The following ZNF592 variants were observed in gnomAD, a reference collection of about 807,000 sequenced individuals.
ZNF592 encodes zinc finger protein 592.
Under a neutral mutation model 80.3 loss-of-function variants are expected in ZNF592, and 11 were observed. The observed-to-expected ratio is 0.14, with a 90% CI of 0.09 to 0.23. The LOEUF (loss-of-function observed/expected upper bound fraction) is 0.23. ZNF592 is among the 10% of genes least tolerant of loss of function. The pLI is 1.00. For missense variants in ZNF592, 1,420 were observed against 1,633.9 expected (o/e 0.87, Z 2.26); for synonymous variants, 646 against 640.3 (o/e 1.01, Z -0.13).
Position 84,799,971 on chromosome 15 carries a change from C to T in ZNF592, c.3267C>T (p.Ser1089=). ...TSKVKPPGGH[S]PQVNHLKRPV... ...AAGTGAAACCTCCGGGTGGACATTC[C>T]CCTCAGGTGAGTGTGGGCTCCCTGC... The change falls in exon 10 of 11, where the codon TCC becomes TCT. Residue 1089 remains serine (S), a synonymous_variant. Transcript: ENST00000560079. The surrounding 1 kb of genome is among the most constrained non-coding windows in gnomAD (Gnocchi z 4.2). 1.2e-6 allele frequency: 2 copies of T among 1,614,214 alleles called. No individual in the cohort carries two copies. Among genetic ancestry groups the T allele is most frequent in the Non-Finnish European group, 1.7e-6 (2 of 1,180,024 alleles).
chr15:84,801,746 G>A lies in ZNF592; in HGVS notation c.3274-117G>A. ...AACCAAACGTAAACCAGCGTTCAGG[G>A]CTGGGGTGACCCTGGCCTGGGTGGT... On this transcript the variant is annotated intron_variant, in intron 10 of 10. Transcript: ENST00000560079. 2 of 1,468,708 alleles carry A rather than the reference G, an allele frequency of 1.4e-6. 1 individual carries two copies. Among genetic ancestry groups the A allele is most frequent in the South Asian group, 2.3e-5 (2 of 85,472 alleles). The allele number at this position is 1,468,708 out of a possible 1,614,324, so 91.0% of individuals were successfully genotyped here. A position where few individuals can be genotyped will look rare whatever the true frequency, so the allele number is the denominator to read the frequency against.
chr15:84,762,594 C>T (rs1283859121), intron 1 of ZNF592, among the ~76,000 whole-genome samples: 1 of 152,096 alleles, frequency 6.6e-6, no homozygotes, highest in Non-Finnish European at 1.5e-5. Flanking sequence ...ATTAGGATCG[C>T]TCCAGGTCTA....
At chr15:84,788,153 G>C (rs1175876299) in intron 4 of ZNF592, among the ~76,000 whole-genome samples, 2 of 152,124 alleles carry the variant, frequency 1.3e-5, no homozygotes, top group African/African-American at 4.8e-5. Context: ...AGGGTGCTGC[G>C]TTCTTCCTGT....
chr15:84,770,050 G>A (rs1170337282), intron 2 of ZNF592, among the ~76,000 whole-genome samples: 1 of 152,250 alleles, frequency 6.6e-6, no homozygotes, highest in East Asian at 1.9e-4. Flanking sequence ...GAACACAGGA[G>A]AGAGATGATG....
intron 4 of ZNF592, among the ~76,000 whole-genome samples, chr15:84,787,582 G>T (rs1477138012): frequency 6.6e-6 from 1 of 152,162 alleles, no homozygotes; most frequent in Non-Finnish European, 1.5e-5. Flanking sequence ...CTGGGAGTCT[G>T]CCCCTGAATG....
At chr15:84,780,314 A>G (rs1038291303) in intron 3 of ZNF592, among the ~76,000 whole-genome samples, 1 of 152,166 alleles carries the variant, frequency 6.6e-6, no homozygotes, top group Non-Finnish European at 1.5e-5. Flanking sequence ...AGAAAGAAAG[A>G]ACAAAAAAGA....
intron 2 of ZNF592, among the ~76,000 whole-genome samples, chr15:84,773,183 T>G (rs1049957396): frequency 2.0e-5 from 3 of 151,992 alleles, no homozygotes. Flanking sequence ...CATCTTTTAT[T>G]TCTTTTTTTA....
At chr15:84,768,326 C>T (rs1278262753) in intron 2 of ZNF592, among the ~76,000 whole-genome samples, 4 of 150,746 alleles carry the variant, frequency 2.7e-5, no homozygotes, top group African/African-American at 7.3e-5. Flanking sequence ...CAACCTCTGC[C>T]TCCTGGGTTC....
chr15:84,794,985 C>T (rs532549674), intron 5 of ZNF592, among the ~76,000 whole-genome samples: 1 of 151,882 alleles, frequency 6.6e-6, no homozygotes, highest in South Asian at 2.1e-4. Context: ...TTTTATTGAA[C>T]TCTACTACAG....
chr15:84,790,538 T>C (rs1364940871), intron 4 of ZNF592, among the ~76,000 whole-genome samples, 167 bp from the exon 5 acceptor site: 2 of 152,110 alleles, frequency 1.3e-5, no homozygotes, highest in East Asian at 3.8e-4. Flanking sequence ...GTATCAGCAC[T>C]GGAAATGAGG....
intron 4 of ZNF592, among the ~76,000 whole-genome samples, chr15:84,789,879 A>T (rs1326926128): frequency 1.3e-5 from 2 of 152,220 alleles, no homozygotes; most frequent in Non-Finnish European, 2.9e-5. Context: ...CCTCTCCAGC[A>T]TGCAGGCACC....
At chr15:84,790,345 G>A (rs1188971508) in intron 4 of ZNF592, among the ~76,000 whole-genome samples, 1 of 152,128 alleles carries the variant, frequency 6.6e-6, no homozygotes, top group Non-Finnish European at 1.5e-5. Context: ...ACCCTGGTGG[G>A]TCTAGCAGTG....
Position 84,805,899 on chromosome 15 carries a change from C to G in ZNF592, c.*3506C>G, listed in dbSNP as rs1391416833. 3.3e-5 allele frequency: 5 copies of G among 152,524 alleles called. No homozygotes were observed. The highest frequency in any genetic ancestry group is 1.3e-4 in the Admixed American group (2 of 15,272). The allele number at this position is 152,524 out of a possible 1,614,324, so 9.4% of individuals were successfully genotyped here. A position where few individuals can be genotyped will look rare whatever the true frequency, so the allele number is the denominator to read the frequency against. ...CTATATGTTGTGTATCCTTTCATAGCAATTCTATGCATTTACAAGTTTATA... is the reference window on the plus strand; with the variant it reads ...CTATATGTTGTGTATCCTTTCATAGGAATTCTATGCATTTACAAGTTTATA... On this transcript the variant is annotated 3_prime_UTR_variant, in exon 11 of 11. Coordinates refer to ENST00000560079, the MANE Select transcript of ZNF592 (RefSeq NM_014630.3).
At chr15:84,764,905 G>GTTTTTTT (rs201727475) in intron 2 of ZNF592, 90 bp downstream of exon 2, 2 of 319,216 alleles carry the variant, frequency 6.3e-6, no homozygotes, top group Non-Finnish European at 1.0e-5. Flanking sequence ...GTTTTGTTTT[G>GTTTTTTT]TTTTGTTTTT....
At chr15:84,757,723 ATC>A (rs1416387147) in intron 1 of ZNF592, among the ~76,000 whole-genome samples, 1 of 149,478 alleles carries the variant, frequency 6.7e-6, no homozygotes, top group Non-Finnish European at 1.5e-5. Flanking sequence ...CAGTGGCATG[ATC>A]TCAGCTCACT....
intron 1 of ZNF592, among the ~76,000 whole-genome samples, chr15:84,759,876 C>T (rs1041592154): frequency 5.3e-5 from 8 of 150,110 alleles, no homozygotes; most frequent in Non-Finnish European, 1.0e-4. Flanking sequence ...TAGGGTACAG[C>T]GTGGGCTAGC....
At chr15:84,801,747 C>A in intron 10 of ZNF592, 116 bp from the exon 11 acceptor site, 1 of 1,475,020 alleles carries the variant, frequency 6.8e-7, no homozygotes, top group South Asian at 1.2e-5. Context: ...GCGTTCAGGG[C>A]TGGGGTGACC....
intron 4 of ZNF592, among the ~76,000 whole-genome samples, chr15:84,786,793 A>G (rs2141989890): frequency 7.2e-6 from 1 of 139,178 alleles, no homozygotes; most frequent in African/African-American, 2.7e-5. Context: ...ATGGCAGTGG[A>G]GGTCTGATGC....
intron 3 of ZNF592, among the ~76,000 whole-genome samples, chr15:84,779,415 T>G (rs1962356488): frequency 6.6e-6 from 1 of 152,240 alleles, no homozygotes; most frequent in African/African-American, 2.4e-5. Flanking sequence ...GCTGCTGTTT[T>G]TGGTTTTTCT....
Sources: allele counts gnomAD v4.1 joint callset (sites outside exome capture counted in the v4.1 genomes callset), GRCh38; gene constraint gnomAD v4.1.1; non-coding constraint Gnocchi (gnomAD v3.1); transcripts MANE v1.5; gene names NCBI Gene and HGNC (gene_info 2026-07-23, HGNC 2026-07-21).